GRM5: variants seen among roughly 807,000 people sequenced by gnomAD.
The protein encoded by GRM5 is glutamate metabotropic receptor 5.
GRM5 carries 19 observed loss-of-function variants against 83.1 expected under a neutral mutation model. The observed-to-expected ratio is 0.23, with a 90% confidence interval of 0.16 to 0.34. The LOEUF is 0.34. Ranked by LOEUF, GRM5 falls within the 10% of genes least tolerant of loss-of-function variation. The probability of loss-of-function intolerance (pLI) is 1.00; values close to 1 mark genes in which losing one functional copy is unlikely to be tolerated. For missense variants in GRM5, 1,160 were observed against 1,588.3 expected, an observed-to-expected ratio of 0.73 and a Z score of 4.58; for synonymous variants, 675 against 633.6, an observed-to-expected ratio of 1.07 and a Z score of -0.98.
chr11:89,059,937 T>C (rs1429288720), intron 1 of GRM5, among the ~76,000 whole-genome samples: 1 of 152,086 alleles, frequency 6.6e-6, no homozygotes, highest in Non-Finnish European at 1.5e-5. Context: ...TGTACTGCTA[T>C]AACCCATCCC....
At chr11:88,943,196 C>A (rs1164295346) in intron 2 of GRM5, among the ~76,000 whole-genome samples, 1 of 152,076 alleles carries the variant, frequency 6.6e-6, no homozygotes, top group African/African-American at 2.4e-5. Flanking sequence ...ATGTGTTAGG[C>A]AATTCCTTTT....
Position 88,509,437 on chromosome 11 carries a change from G to A in GRM5, c.2794C>T (p.Arg932Cys), listed in dbSNP as rs1565316730. 6.2e-7 allele frequency: 1 copy of A among 1,612,286 alleles called. No homozygotes were observed. Among genetic ancestry groups the A allele is most frequent in the Non-Finnish European group, 8.5e-7 (1 of 1,179,424 alleles). ...TTCTTGTTGATGTGGATGGACAGGC[G>A]CTGCCACAGGTGCTGCCCCCGGCTG... ...KSSRGQHLWQ[R>C]LSIHINKKEN... Residue 932 changes from arginine to cysteine, a missense_variant, in exon 10 of 10, where the codon CGC (arginine) becomes TGC (cysteine). Physicochemically the swap from Arg to Cys is radical, Grantham distance 180. This residue lies in a region of GRM5 where 562 missense variants were observed against 532.4 expected (regional missense o/e 1.06). Coordinates refer to ENST00000305447, the MANE Select transcript of GRM5 (RefSeq NM_001143831.3).
At chr11:88,854,737 T>C (rs986618807) in intron 2 of GRM5, among the ~76,000 whole-genome samples, 2 of 151,838 alleles carry the variant, frequency 1.3e-5, no homozygotes, top group Non-Finnish European at 2.9e-5. Context: ...CAAAGGGCAA[T>C]ATACCCATGT....
chr11:88,555,801 C>T (rs935620754), intron 8 of GRM5, among the ~76,000 whole-genome samples: 8 of 152,052 alleles, frequency 5.3e-5, no homozygotes, highest in South Asian at 2.1e-4. Flanking sequence ...AAAACATAAG[C>T]GCACACATAC....
intron 3 of GRM5, among the ~76,000 whole-genome samples, chr11:88,726,227 A>G (rs1941677165): frequency 1.3e-5 from 2 of 152,230 alleles, no homozygotes; most frequent in South Asian, 4.1e-4. Flanking sequence ...ACAGCACAAG[A>G]ACTTCATGAA....
At chr11:88,694,595 G>A (rs1200999327) in intron 3 of GRM5, among the ~76,000 whole-genome samples, 1 of 151,246 alleles carries the variant, frequency 6.6e-6, no homozygotes, top group African/African-American at 2.4e-5. Context: ...AGCTTGAAAA[G>A]TGTTAAACTG....
intron 1 of GRM5, among the ~76,000 whole-genome samples, chr11:89,057,034 A>C (rs1395781609): frequency 1.3e-5 from 2 of 152,238 alleles, no homozygotes; most frequent in African/African-American, 4.8e-5. Flanking sequence ...ATATAATCAG[A>C]TTCACAGCTC....
At chr11:88,563,400 T>G in intron 8 of GRM5, among the ~76,000 whole-genome samples, 1 of 152,138 alleles carries the variant, frequency 6.6e-6, no homozygotes. Flanking sequence ...TCTTAGATAT[T>G]ATTATAGTCT....
At chr11:88,645,249 C>T (rs552352651) in intron 4 of GRM5, among the ~76,000 whole-genome samples, 25 of 152,166 alleles carry the variant, frequency 1.6e-4, no homozygotes, top group African/African-American at 5.8e-4. Context: ...TGCTCAGTGT[C>T]TGGATTCCCT....
Position 89,047,150 on chromosome 11 carries a change from C to G in GRM5, c.661+62G>C. ...TTAGGAATAGTTTACTCTTCCCAAA[C>G]CTGAAATTGTAACTGTTGAGTGCAT... On this transcript the variant is annotated intron_variant, in intron 2 of 9. Coordinates refer to ENST00000305447, the MANE Select transcript of GRM5 (RefSeq NM_001143831.3). This position sits in a 1 kb window ranked among gnomAD's most constrained non-coding sequence, Gnocchi z 5.1. 7.6e-7 allele frequency: 1 copy of G among 1,308,336 alleles called. No homozygotes were observed. The highest frequency in any genetic ancestry group is 1.4e-5 in the South Asian group (1 of 71,612). The allele number at this position is 1,308,336 out of a possible 1,614,324, so 81.0% of individuals were successfully genotyped here.
chr11:88,927,724 T>C (rs964694977), intron 2 of GRM5, among the ~76,000 whole-genome samples: 1 of 152,150 alleles, frequency 6.6e-6, no homozygotes, highest in African/African-American at 2.4e-5. Flanking sequence ...GCCACCAGTA[T>C]AGACAGGAAG....
At chr11:88,801,256 G>A (rs930845114) in intron 3 of GRM5, among the ~76,000 whole-genome samples, 1 of 152,102 alleles carries the variant, frequency 6.6e-6, no homozygotes, top group African/African-American at 2.4e-5. Flanking sequence ...GCTGGCCAAA[G>A]GATTTGTTCC....
chr11:88,927,890 C>T (rs1458632745), intron 2 of GRM5, among the ~76,000 whole-genome samples: 1 of 151,926 alleles, frequency 6.6e-6, no homozygotes, highest in Non-Finnish European at 1.5e-5. Context: ...ATCAAGTGAT[C>T]CTGGTTAAAA....
chr11:88,611,947 A>C (rs1938329284), intron 4 of GRM5, among the ~76,000 whole-genome samples: 2 of 149,554 alleles, frequency 1.3e-5, no homozygotes, highest in South Asian at 4.2e-4. Context: ...GTTTCAAAGA[A>C]TTTATTTATT....
chr11:88,845,021 C>A (rs1374174197), intron 3 of GRM5, among the ~76,000 whole-genome samples: 2 of 152,178 alleles, frequency 1.3e-5, no homozygotes, highest in Non-Finnish European at 2.9e-5. Flanking sequence ...ATTACCTAAA[C>A]TTAGTAGATA....
intron 8 of GRM5, among the ~76,000 whole-genome samples, chr11:88,552,033 C>T (rs372955038): frequency 2.7e-5 from 4 of 145,962 alleles, no homozygotes; most frequent in East Asian, 2.0e-4. Context: ...AATGTCACAT[C>T]TTTTTTTTTT....
At chr11:88,644,117 G>A (rs10765679) in intron 4 of GRM5, among the ~76,000 whole-genome samples, 103,667 of 152,098 alleles carry the variant, frequency 0.68, 41,270 homozygotes, top group Non-Finnish European at 0.9. Context: ...CATAATGGCC[G>A]TAAACAACTA....
At chr11:88,701,317 A>C (rs965910503) in intron 3 of GRM5, among the ~76,000 whole-genome samples, 1 of 152,160 alleles carries the variant, frequency 6.6e-6, no homozygotes, top group Non-Finnish European at 1.5e-5. Context: ...ATTGACAAGT[A>C]CAGTGGTCAT....
At chr11:88,980,626 T>A (rs1939490481) in intron 2 of GRM5, among the ~76,000 whole-genome samples, 2 of 151,948 alleles carry the variant, frequency 1.3e-5, no homozygotes, top group African/African-American at 4.8e-5. Flanking sequence ...ATCTAGACCA[T>A]CCTGGCTAAC....
Sources: allele counts gnomAD v4.1 joint callset (sites outside exome capture counted in the v4.1 genomes callset), GRCh38; gene constraint gnomAD v4.1.1; regional missense constraint gnomAD v4.1.1; non-coding constraint Gnocchi (gnomAD v3.1); transcripts MANE v1.5; gene names NCBI Gene and HGNC (gene_info 2026-07-23, HGNC 2026-07-21).